Variants in PRKN observed in about 807,000 individuals in gnomAD.
The protein encoded by PRKN is E3 ubiquitin-protein ligase parkin.
In PRKN, 56 loss-of-function variants were observed where a neutral mutation model predicts 59.5. That is an observed-to-expected ratio of 0.94 (90% confidence interval 0.76 to 1.18). The LOEUF (loss-of-function observed/expected upper bound fraction) is 1.18. PRKN is among the 50% of genes most tolerant of loss of function. The pLI, the probability that PRKN is intolerant of heterozygous loss-of-function variation, is 0.00. For synonymous variants in PRKN, 250 were observed against 222.1 expected (o/e 1.13, Z -1.12); for missense variants, 657 against 596.4 (o/e 1.10, Z -1.06).
chr6:161,829,217 C>A (rs573680799), intron 6 of PRKN, among the ~76,000 whole-genome samples: 1 of 152,084 alleles, frequency 6.6e-6, no homozygotes, highest in Non-Finnish European at 1.5e-5. Flanking sequence ...CAGAGCCAGA[C>A]TCAAAACAAC....
At chr6:162,517,418 G>GT (rs71818014) in intron 1 of PRKN, among the ~76,000 whole-genome samples, 14,962 of 143,530 alleles carry the variant, frequency 0.1, 814 homozygotes, top group South Asian at 0.19. Context: ...CGACTAATTT[G>GT]TTTTTTTTTT....
chr6:161,751,830 C>A (rs1788706337), intron 7 of PRKN, among the ~76,000 whole-genome samples: 1 of 152,170 alleles, frequency 6.6e-6, no homozygotes, highest in Non-Finnish European at 1.5e-5. Flanking sequence ...TGGTATGGGA[C>A]TTTTCAAAGC....
intron 3 of PRKN, among the ~76,000 whole-genome samples, chr6:162,218,791 G>A (rs1777808694): frequency 6.6e-6 from 1 of 152,068 alleles, no homozygotes; most frequent in African/African-American, 2.4e-5. Context: ...ATGCACATGG[G>A]CCTCCACTCA....
intron 1 of PRKN, among the ~76,000 whole-genome samples, chr6:162,616,633 T>C (rs999944908): frequency 9.8e-5 from 15 of 152,300 alleles, no homozygotes; most frequent in Non-Finnish European, 1.8e-4. Flanking sequence ...ATCTGAGCAA[T>C]GGTATGGCTT....
chr6:162,297,614 G>A (rs929232447), intron 2 of PRKN, among the ~76,000 whole-genome samples: 3 of 152,048 alleles, frequency 2.0e-5, no homozygotes, highest in South Asian at 4.1e-4. Context: ...CATATATTCT[G>A]TAACATGAAC....
chr6:161,778,497 A>G lies in PRKN; in HGVS notation c.871+7275T>C, dbSNP rs531457731. On this transcript the variant is annotated intron_variant, in intron 7 of 11. Coordinates refer to ENST00000366898, the MANE Select transcript of PRKN (RefSeq NM_004562.3). The stretch of plus-strand genomic sequence containing the variant: ...TTGCTTTAATTTTCTTGGAGGAATT[A>G]CAATCCAAAAATAGCCAGTAGTCCC... 6.6e-5 allele frequency among the ~76,000 whole-genome samples: 10 copies of G among 152,340 alleles called. 1 individual carries two copies. In the East Asian group the frequency reaches 1.9e-3, roughly 29 times the overall value.
chr6:161,508,847 C>CTT (rs756937175), intron 9 of PRKN, among the ~76,000 whole-genome samples: 1 of 144,924 alleles, frequency 6.9e-6, no homozygotes, highest in Non-Finnish European at 1.5e-5. Flanking sequence ...GTTATAATTC[C>CTT]TTTTTTTTTT....
intron 1 of PRKN, among the ~76,000 whole-genome samples, chr6:162,577,673 A>C (rs1562402125): frequency 6.6e-6 from 1 of 152,154 alleles, no homozygotes; most frequent in Non-Finnish European, 1.5e-5. Flanking sequence ...GCTCACCTAT[A>C]ATCCCAGCAC....
chr6:162,697,277 TACAG>T (rs1198434748), intron 1 of PRKN, among the ~76,000 whole-genome samples: 3 of 152,184 alleles, frequency 2.0e-5, no homozygotes, highest in Non-Finnish European at 1.5e-5. Context: ...TAAAAAATTA[TACAG>T]ACATACATCA....
intron 6 of PRKN, among the ~76,000 whole-genome samples, chr6:161,882,062 G>A (rs1395450115): frequency 6.6e-6 from 1 of 152,114 alleles, no homozygotes; most frequent in Admixed American, 6.6e-5. Context: ...GCTATATAGA[G>A]CCTTGGTAAT....
chr6:161,642,367 ATTG>A (rs2128158907), intron 7 of PRKN, among the ~76,000 whole-genome samples: 1 of 152,160 alleles, frequency 6.6e-6, no homozygotes, highest in East Asian at 1.9e-4. Context: ...TGCCTTGCTT[ATTG>A]CATTTCTTTG....
chr6:161,422,891 T>C (rs537918706), intron 9 of PRKN, among the ~76,000 whole-genome samples: 1 of 152,264 alleles, frequency 6.6e-6, no homozygotes, highest in South Asian at 2.1e-4. Context: ...ATGCCAATGA[T>C]CGAGACGCCA....
chr6:161,682,415 T>C (rs999801823), intron 7 of PRKN, among the ~76,000 whole-genome samples: 1 of 152,226 alleles, frequency 6.6e-6, no homozygotes, highest in Non-Finnish European at 1.5e-5. Flanking sequence ...CATTTAAGTT[T>C]GTGGTTTAAA....
In PRKN at chr6:162,270,966, T is replaced by G. The variant is rs1032761304; in HGVS notation, c.172-8201A>C. On this transcript the variant is annotated intron_variant, in intron 2 of 11. Transcript: ENST00000366898. Reference sequence around the variant, plus strand: ...AAGTGATCCTCTTATGGCAGCCTCCTGAGTTGCTGAGACTACAGGCACACG... The same window carrying G: ...AAGTGATCCTCTTATGGCAGCCTCCGGAGTTGCTGAGACTACAGGCACACG... Among the ~76,000 whole-genome samples the G allele has an allele frequency of 4.6e-5, 7 of 151,658 alleles. No homozygotes were observed. The South Asian group carries it at 1.3e-3, about 27-fold the overall frequency.
intron 1 of PRKN, among the ~76,000 whole-genome samples, chr6:162,627,685 C>G (rs935748375): frequency 6.6e-6 from 1 of 151,908 alleles, no homozygotes; most frequent in South Asian, 2.1e-4. Context: ...AATGGTGTGG[C>G]GAAACAAATA....
At chr6:162,419,737 CAGAG>C (rs955141223) in intron 2 of PRKN, among the ~76,000 whole-genome samples, 1 of 151,056 alleles carries the variant, frequency 6.6e-6, no homozygotes, top group Non-Finnish European at 1.5e-5. Flanking sequence ...CCTATAATGA[CAGAG>C]AGAGAGAGAC....
intron 1 of PRKN, among the ~76,000 whole-genome samples, chr6:162,598,853 C>A (rs1365400550): frequency 0.017 from 1,853 of 106,002 alleles, no homozygotes; most frequent in Non-Finnish European, 0.018. Context: ...ATTCTGTCAC[C>A]AAAAAAAAAA....
rs1342316861 is a variant in PRKN at position 161,547,469 on chromosome 6, C to T, written c.1083+1385G>A. ...CATAAACCCTTCAACATTCTTAAAG[C>T]AAGGTCAACAACCAAATGCAAAAGA... On this transcript the variant is annotated intron_variant, in intron 9 of 11. Transcript: ENST00000366898. The surrounding 1 kb of genome is among the most constrained non-coding windows in gnomAD (Gnocchi z 4.0). Among the ~76,000 whole-genome samples the T allele has an allele frequency of 2.0e-5, 3 of 152,292 alleles. No individual in the cohort carries two copies. Among genetic ancestry groups the T allele is most frequent in the Non-Finnish European group, 4.4e-5 (3 of 68,014 alleles).
At chr6:161,790,749 C>T (rs1005986303) in intron 6 of PRKN, among the ~76,000 whole-genome samples, 3 of 152,040 alleles carry the variant, frequency 2.0e-5, no homozygotes, top group African/African-American at 7.2e-5. Flanking sequence ...TTATAAGCCA[C>T]CAGTTTATGG....
Sources: allele counts gnomAD v4.1 joint callset (sites outside exome capture counted in the v4.1 genomes callset), GRCh38; gene constraint gnomAD v4.1.1; non-coding constraint Gnocchi (gnomAD v3.1); transcripts MANE v1.5; gene names NCBI Gene and HGNC (gene_info 2026-07-23, HGNC 2026-07-21).